Variants in SRPK1 observed in about 807,000 individuals in gnomAD.
SRPK1 encodes SRSF protein kinase 1.
In SRPK1, 52 loss-of-function variants were observed where a neutral mutation model predicts 89.5. The ratio of observed to expected loss-of-function variants is 0.58; its 90% confidence interval spans 0.46 to 0.73. SRPK1 has a LOEUF of 0.73. SRPK1 is among the 30% of genes least tolerant of loss of function. The pLI is 0.00. For missense variants in SRPK1, 603 were observed against 780.6 expected (o/e 0.77, Z 2.71); for synonymous variants, 255 against 270.2 (o/e 0.94, Z 0.55).
chr6:35,880,211 A>C (rs981013908), intron 6 of SRPK1, among the ~76,000 whole-genome samples: 1 of 152,110 alleles, frequency 6.6e-6, no homozygotes, highest in Non-Finnish European at 1.5e-5. Context: ...CTGGTGCTGA[A>C]AAGTACAATA....
intron 2 of SRPK1, among the ~76,000 whole-genome samples, chr6:35,914,614 T>C (rs1771048914): frequency 6.6e-6 from 1 of 152,168 alleles, no homozygotes; most frequent in Non-Finnish European, 1.5e-5. Flanking sequence ...TCACCTAATA[T>C]ACTATTTAAT....
intron 13 of SRPK1, among the ~76,000 whole-genome samples, chr6:35,851,377 T>A (rs1161545335): frequency 1.3e-5 from 2 of 151,960 alleles, no homozygotes; most frequent in Admixed American, 1.3e-4. Flanking sequence ...TTTCACCAGG[T>A]TGGCCAGCCT....
intron 14 of SRPK1, among the ~76,000 whole-genome samples, chr6:35,839,885 G>A (rs1232596377): frequency 6.6e-6 from 1 of 151,918 alleles, no homozygotes; most frequent in East Asian, 1.9e-4. Flanking sequence ...TCACATGTTG[G>A]CCAGGCTGGT....
intron 13 of SRPK1, among the ~76,000 whole-genome samples, chr6:35,843,752 T>A (rs1324219530): frequency 6.6e-6 from 1 of 151,296 alleles, no homozygotes; most frequent in Non-Finnish European, 1.5e-5. Flanking sequence ...CCTGGCCAAT[T>A]CGTAGGTCTT....
chr6:35,888,781 T>C (rs1432684041), intron 4 of SRPK1, 34 bp downstream of exon 4: 1 of 1,335,846 alleles, frequency 7.5e-7, no homozygotes, highest in Admixed American at 1.7e-5. Flanking sequence ...AGACATCATC[T>C]AACTAATTCT....
chr6:35,902,261 A>C (rs971858623), intron 2 of SRPK1, among the ~76,000 whole-genome samples: 10 of 151,072 alleles, frequency 6.6e-5, no homozygotes, highest in African/African-American at 1.7e-4. Context: ...AAGAAAAAAA[A>C]GATTAGCCAG....
intron 13 of SRPK1, among the ~76,000 whole-genome samples, chr6:35,854,196 C>T (rs1285388810): frequency 6.6e-6 from 1 of 152,106 alleles, no homozygotes; most frequent in Non-Finnish European, 1.5e-5. Context: ...AGTAATCTGC[C>T]TGCCTCAGCC....
chr6:35,872,516 T>G, intron 8 of SRPK1, 47 bp downstream of exon 8: 1 of 1,494,996 alleles, frequency 6.7e-7, no homozygotes, highest in Non-Finnish European at 8.9e-7. Context: ...AAATAGAAAT[T>G]TCTTTTTAAC....
At chr6:35,904,839 A>T (rs1429120119) in intron 2 of SRPK1, 1 of 223,260 alleles carries the variant, frequency 4.5e-6, no homozygotes, top group Non-Finnish European at 9.0e-6. Context: ...AAAAAAATAA[A>T]AAATAAATAA....
rs375318105 is a variant in SRPK1, at chr6:35,842,520, G to C, written c.1690+15C>G. 2.1e-5 allele frequency: 34 copies of C among 1,603,606 alleles called. No individual in the cohort carries two copies. In the African/African-American group the frequency reaches 4.2e-4, roughly 20 times the overall value. ...TAAATACCACGCACACACATCCATGGTTAAGGGGACTCACCTTCATCTCGA... is the reference window on the plus strand; with the variant it reads ...TAAATACCACGCACACACATCCATGCTTAAGGGGACTCACCTTCATCTCGA... On this transcript the variant is annotated intron_variant, in intron 14 of 15. Coordinates refer to ENST00000373825, the MANE Select transcript of SRPK1 (RefSeq NM_003137.5).
intron 2 of SRPK1, chr6:35,920,121 T>C: frequency 2.1e-6 from 1 of 479,944 alleles, no homozygotes; most frequent in Non-Finnish European, 4.1e-6. Context: ...GAGACCAGAG[T>C]TCAGAAACAG....
chr6:35,915,972 AAAAAC>A (rs1479141159), intron 2 of SRPK1, among the ~76,000 whole-genome samples: 3 of 77,410 alleles, frequency 3.9e-5, no homozygotes, highest in African/African-American at 1.8e-4. Context: ...ACTCTGTCTC[AAAAAC>A]AAAAAAAAAA....
At chr6:35,876,085 T>TAAA (rs34493292) in intron 6 of SRPK1, among the ~76,000 whole-genome samples, 54 of 77,628 alleles carry the variant, frequency 7.0e-4, no homozygotes, top group Middle Eastern at 0.013. Context: ...ATTCTTAAAT[T>TAAA]AAAAAAAAAA....
Position 35,920,521 on chromosome 6 carries a change from C to A in SRPK1, c.21G>T (p.Ala7=). ...TGGTCCTTTTCTTTCGGGCCTGGAG[C>A]GCAAGCACTGCAGGAGAGAGGGATG... MERKVL[A]LQARKKRTKA... The change falls in exon 2 of 16, where the codon GCG becomes GCT. Residue 7 remains alanine, a synonymous_variant. Coordinates refer to ENST00000373825, the MANE Select transcript of SRPK1 (RefSeq NM_003137.5). The A allele has an allele frequency of 6.2e-7, 1 of 1,613,128 alleles. No individual in the cohort carries two copies. Among genetic ancestry groups the A allele is most frequent in the South Asian group, 1.1e-5 (1 of 91,070 alleles).
intron 2 of SRPK1, among the ~76,000 whole-genome samples, chr6:35,898,233 A>T (rs1011265288): frequency 2.0e-5 from 3 of 152,180 alleles, no homozygotes; most frequent in Admixed American, 2.0e-4. Context: ...ACTTGGATGG[A>T]GCTGGAGGCC....
chr6:35,851,822 CT>C (rs1197209365), intron 13 of SRPK1, among the ~76,000 whole-genome samples: 4 of 152,090 alleles, frequency 2.6e-5, no homozygotes, highest in Non-Finnish European at 5.9e-5. Flanking sequence ...GGGCTGAGTC[CT>C]TTTTCAATTA....
intron 2 of SRPK1, among the ~76,000 whole-genome samples, chr6:35,903,797 A>G (rs567452518): frequency 1.3e-5 from 2 of 152,260 alleles, no homozygotes; most frequent in East Asian, 3.9e-4. Flanking sequence ...AAGGCATTTA[A>G]GCCACCAATA....
intron 2 of SRPK1, among the ~76,000 whole-genome samples, chr6:35,894,070 A>G (rs375203210): frequency 1.3e-5 from 2 of 152,130 alleles, no homozygotes; most frequent in African/African-American, 2.4e-5. Context: ...AGGGCTATCA[A>G]TCAGGTCTCT....
chr6:35,914,223 C>T (rs1167332400), intron 2 of SRPK1, among the ~76,000 whole-genome samples: 2 of 151,914 alleles, frequency 1.3e-5, no homozygotes, highest in Admixed American at 6.6e-5. Context: ...GTGATCCACA[C>T]GCCTCAGCCT....
Sources: gnomAD v4.1 joint callset for allele counts (sites outside exome capture counted in the v4.1 genomes callset) on GRCh38, gnomAD v4.1.1 for gene constraint, MANE v1.5 for transcripts, NCBI Gene and HGNC (gene_info 2026-07-23, HGNC 2026-07-21) for gene names.